Variants in BTG4 observed in about 807,000 individuals in gnomAD.
BTG4 encodes BTG anti-proliferation factor 4, also known as protein BTG4.
BTG4 carries 10 observed loss-of-function variants against 19.3 expected under a neutral mutation model. The ratio of observed to expected loss-of-function variants is 0.52; its 90% CI spans 0.32 to 0.88. BTG4 has a LOEUF of 0.88. BTG4 is among the 40% of genes least tolerant of loss of function. The pLI, the probability that BTG4 is intolerant of heterozygous loss-of-function variation, is 0.04. For missense variants in BTG4, 238 were observed against 281.9 expected (o/e 0.84, Z 1.11); for synonymous variants, 91 against 95.7 (o/e 0.95, Z 0.29).
chr11:111,443,905 T>C, the BTG4 span, among the ~76,000 whole-genome samples: 13 of 152,142 alleles, frequency 8.5e-5, no homozygotes, highest in African/African-American at 2.9e-4. Flanking sequence ...GGTGAGTATT[T>C]AAAACAGTGC....
chr11:111,452,819 G>A, the BTG4 span, among the ~76,000 whole-genome samples: 1 of 152,222 alleles, frequency 6.6e-6, no homozygotes, highest in African/African-American at 2.4e-5. Context: ...TCCCTGGAGA[G>A]GGTGGAGGTC....
At position 111,508,802 on chromosome 11, in the gene BTG4, T is replaced by C. The variant is rs567063732; in HGVS notation, c.-27+3379A>G. 1.3e-4 allele frequency among the ~76,000 whole-genome samples: 19 copies of C among 149,686 alleles called. No individual in the cohort carries two copies. In the East Asian group the frequency reaches 3.7e-3, roughly 29 times the overall value. The stretch of plus-strand genomic sequence containing the variant: ...AACACAAACATGAATTCTTAATCTA[T>C]TACTATAAGTTATATTAAGATATAT... On this transcript the variant is annotated intron_variant, in intron 1 of 4. Coordinates refer to ENST00000692032, the MANE Select transcript of BTG4 (RefSeq NM_001367975.1).
the BTG4 span, among the ~76,000 whole-genome samples, chr11:111,447,122 C>T: frequency 6.6e-6 from 1 of 152,186 alleles, no homozygotes; most frequent in Non-Finnish European, 1.5e-5. Flanking sequence ...CTCCTTCTGC[C>T]ACCTCTGCCC....
At chr11:111,427,094 C>T in the BTG4 span, among the ~76,000 whole-genome samples, 9 of 152,328 alleles carry the variant, frequency 5.9e-5, no homozygotes, top group East Asian at 1.7e-3. Flanking sequence ...CCCTGCCTGC[C>T]TCCATTTTCT....
the BTG4 span, among the ~76,000 whole-genome samples, chr11:111,419,620 A>C: frequency 4.6e-5 from 7 of 152,250 alleles, no homozygotes; most frequent in African/African-American, 1.7e-4. Flanking sequence ...TCATAAGCAG[A>C]ACATAGAAAA....
the BTG4 span, among the ~76,000 whole-genome samples, chr11:111,440,950 C>A: frequency 6.6e-6 from 1 of 152,274 alleles, no homozygotes; most frequent in Admixed American, 6.5e-5. Context: ...GTCACATCAA[C>A]ATGTATGCAA....
chr11:111,432,735 T>C, the BTG4 span, among the ~76,000 whole-genome samples: 2 of 152,214 alleles, frequency 1.3e-5, no homozygotes, highest in African/African-American at 2.4e-5. Flanking sequence ...ACAAATATGT[T>C]TGGTGGCACA....
At chr11:111,472,852 T>A (rs549326647) in intron 5 of BTG4, among the ~76,000 whole-genome samples, 1 of 152,336 alleles carries the variant, frequency 6.6e-6, no homozygotes, top group Non-Finnish European at 1.5e-5. Flanking sequence ...ACTGTGTTAA[T>A]GAACAAGTAG....
At chr11:111,455,137 C>T in the BTG4 span, 1 of 447,352 alleles carries the variant, frequency 2.2e-6, no homozygotes, top group Non-Finnish European at 4.5e-6. Flanking sequence ...CCAAACACAA[C>T]TCCCTCCCCT....
At chr11:111,393,047 A>G in the BTG4 span, among the ~76,000 whole-genome samples, 1 of 152,206 alleles carries the variant, frequency 6.6e-6, no homozygotes, top group Admixed American at 6.5e-5. Flanking sequence ...GAGTGATGAC[A>G]GATTATACCA....
At chr11:111,391,509 C>G in the BTG4 span, among the ~76,000 whole-genome samples, 1 of 152,168 alleles carries the variant, frequency 6.6e-6, no homozygotes. Flanking sequence ...CCTCTGCTGG[C>G]CGGGACTTCT....
chr11:111,463,891 C>G (rs1041163763), downstream of BTG4, among the ~76,000 whole-genome samples: 12 of 152,152 alleles, frequency 7.9e-5, no homozygotes, highest in African/African-American at 2.9e-4. Context: ...TGCTGTTGGC[C>G]AGAGACAACA....
At chr11:111,485,151 T>C (rs537462440) in intron 5 of BTG4, among the ~76,000 whole-genome samples, 6 of 152,026 alleles carry the variant, frequency 3.9e-5, no homozygotes, top group Non-Finnish European at 8.8e-5. Flanking sequence ...TGGACCTCAA[T>C]ACAATATCTG....
the BTG4 span, among the ~76,000 whole-genome samples, chr11:111,413,839 G>A: frequency 6.6e-6 from 1 of 152,198 alleles, no homozygotes; most frequent in Non-Finnish European, 1.5e-5. Context: ...CTTCCAAGAA[G>A]GTACAACCAG....
intron 5 of BTG4, among the ~76,000 whole-genome samples, chr11:111,487,637 G>A (rs1363345419): frequency 6.6e-6 from 1 of 151,922 alleles, no homozygotes; most frequent in East Asian, 1.9e-4. Flanking sequence ...AGAAATAAAG[G>A]GTATCCAAAT....
chr11:111,465,598 G>T (rs534417791), downstream of BTG4, among the ~76,000 whole-genome samples: 1 of 152,278 alleles, frequency 6.6e-6, no homozygotes, highest in East Asian at 1.9e-4. Context: ...CTAGTGAGTA[G>T]TTCAGCTGGA....
At chr11:111,482,689 G>A (rs1193616308) in intron 5 of BTG4, among the ~76,000 whole-genome samples, 4 of 152,154 alleles carry the variant, frequency 2.6e-5, no homozygotes, top group Admixed American at 1.3e-4. Context: ...TTTGATGGAG[G>A]AAAGATAGTC....
chr11:111,422,628 A>C, the BTG4 span, among the ~76,000 whole-genome samples: 1 of 152,232 alleles, frequency 6.6e-6, no homozygotes, highest in African/African-American at 2.4e-5. Context: ...GTTAACCTGA[A>C]TCACCACGTG....
chr11:111,480,430 TA>T (rs1864668793), intron 5 of BTG4, among the ~76,000 whole-genome samples: 1 of 152,016 alleles, frequency 6.6e-6, no homozygotes, highest in Admixed American at 6.6e-5. Flanking sequence ...AGCAAGGATA[TA>T]AAAGAACTCG....
Sources: allele counts gnomAD v4.1 joint callset (sites outside exome capture counted in the v4.1 genomes callset), GRCh38; gene constraint gnomAD v4.1.1; transcripts MANE v1.5; gene names NCBI Gene and HGNC (gene_info 2026-07-23, HGNC 2026-07-21).